PSMD14: variants seen among roughly 807,000 people sequenced by gnomAD.
The protein encoded by PSMD14 is ubiquitin C-terminal hydrolase PSMD14.
In PSMD14, 7 loss-of-function variants were observed where a neutral mutation model predicts 41.2. The ratio of observed to expected loss-of-function variants is 0.17; its 90% confidence interval spans 0.10 to 0.32. The LOEUF (loss-of-function observed/expected upper bound fraction) is 0.32, where lower values mean the gene tolerates loss of function less well. Ranked by LOEUF, PSMD14 falls within the 10% of genes least tolerant of loss-of-function variation. The pLI, the probability that PSMD14 is intolerant of heterozygous loss-of-function variation, is 1.00. For synonymous variants in PSMD14, 114 were observed against 122.3 expected (o/e 0.93, Z 0.45); for missense variants, 139 against 375.6 (o/e 0.37, Z 5.21).
intron 3 of PSMD14, among the ~76,000 whole-genome samples, chr2:161,325,144 G>T (rs1682674984): frequency 6.6e-6 from 1 of 152,112 alleles, no homozygotes. Context: ...GACATATGCA[G>T]CAGGGTATAT....
At chr2:161,321,825 C>T (rs1157230229) in intron 3 of PSMD14, among the ~76,000 whole-genome samples, 2 of 152,204 alleles carry the variant, frequency 1.3e-5, no homozygotes, top group African/African-American at 4.8e-5. Context: ...CCTGTGCCCT[C>T]TCTTCATGGA....
intron 3 of PSMD14, among the ~76,000 whole-genome samples, chr2:161,329,768 C>G (rs779168545): frequency 6.6e-6 from 1 of 152,122 alleles, no homozygotes. Flanking sequence ...TCATTCTATT[C>G]ATATACTCTG....
At chr2:161,391,297 T>C (rs1012260511) in intron 9 of PSMD14, 119 bp downstream of exon 9, 5 of 1,036,532 alleles carry the variant, frequency 4.8e-6, no homozygotes, top group Non-Finnish European at 6.5e-6. Context: ...CCAAATATTA[T>C]TCCATTATTG....
intron 10 of PSMD14, among the ~76,000 whole-genome samples, chr2:161,402,686 A>T (rs369312610): frequency 2.9e-3 from 123 of 42,290 alleles, no homozygotes; most frequent in African/African-American, 0.012. Flanking sequence ...AGTATACAAG[A>T]ATTAAAAACA....
intron 3 of PSMD14, among the ~76,000 whole-genome samples, chr2:161,353,921 A>G (rs1295138601): frequency 6.6e-6 from 1 of 152,226 alleles, no homozygotes; most frequent in Non-Finnish European, 1.5e-5. Flanking sequence ...TTAATGAATT[A>G]TGAATTATGG....
At chr2:161,372,266 T>A (rs1416102642) in intron 7 of PSMD14, among the ~76,000 whole-genome samples, 1 of 152,154 alleles carries the variant, frequency 6.6e-6, no homozygotes, top group Non-Finnish European at 1.5e-5. Context: ...ATCCTTTTTA[T>A]GCAGGTTTTA....
intron 3 of PSMD14, among the ~76,000 whole-genome samples, chr2:161,350,967 C>T (rs949714834): frequency 3.0e-4 from 46 of 152,160 alleles, no homozygotes; most frequent in African/African-American, 1.1e-3. Flanking sequence ...TTTCAGCCTT[C>T]CTATAATCCT....
intron 3 of PSMD14, among the ~76,000 whole-genome samples, chr2:161,338,848 C>A (rs1682906777): frequency 1.3e-5 from 2 of 152,140 alleles, no homozygotes; most frequent in Admixed American, 1.3e-4. Flanking sequence ...CACTGATTTG[C>A]TGTCACTATA....
chr2:161,348,978 G>A (rs987249859), intron 3 of PSMD14, among the ~76,000 whole-genome samples: 1 of 152,126 alleles, frequency 6.6e-6, no homozygotes, highest in African/African-American at 2.4e-5. Flanking sequence ...CCTCTCTGCT[G>A]CTCACATACC....
At chr2:161,389,214 A>G (rs1672619162) in intron 8 of PSMD14, among the ~76,000 whole-genome samples, 1 of 152,184 alleles carries the variant, frequency 6.6e-6, no homozygotes, top group South Asian at 2.1e-4. Flanking sequence ...TGTATTGGCT[A>G]CAGCAGTTAC....
At chr2:161,389,892 T>G (rs60327518) in intron 8 of PSMD14, among the ~76,000 whole-genome samples, 854 of 4,362 alleles carry the variant, frequency 0.2, 56 homozygotes, top group African/African-American at 0.33. Flanking sequence ...TTTTGTTGTT[T>G]TTTTTTTTTT....
chr2:161,343,499 T>C (rs1244294802), intron 3 of PSMD14, among the ~76,000 whole-genome samples: 1 of 152,244 alleles, frequency 6.6e-6, no homozygotes, highest in African/African-American at 2.4e-5. Context: ...TTTTGGCTAT[T>C]GTGAATATTG....
chr2:161,365,259 G>A (rs183958129), intron 3 of PSMD14, among the ~76,000 whole-genome samples: 290 of 152,312 alleles, frequency 1.9e-3, no homozygotes, highest in Non-Finnish European at 2.9e-3. Context: ...CTGACATGTG[G>A]CTTGCTTCCT....
rs574678957 is a variant in PSMD14, at chr2:161,337,454, C to T, written c.48+18581C>T. ...CAGTACCACGTGGTATGATTAGCAC[C>T]ATTCACAAGGGAAAATGGGTCATAG... On this transcript the variant is annotated intron_variant, in intron 3 of 11. Transcript: ENST00000409682. 3.0e-4 allele frequency among the ~76,000 whole-genome samples: 46 copies of T among 152,240 alleles called. No homozygotes were observed. The South Asian group carries it at 6.0e-3, about 20-fold the overall frequency.
chr2:161,313,174 C>T (rs1163969855), intron 1 of PSMD14, among the ~76,000 whole-genome samples: 3 of 152,084 alleles, frequency 2.0e-5, no homozygotes, highest in African/African-American at 4.8e-5. Flanking sequence ...GAATCTGGCA[C>T]TCTGACTGTA....
At chr2:161,408,994 C>A in intron 11 of PSMD14, 95 bp downstream of exon 11, 1 of 951,250 alleles carries the variant, frequency 1.1e-6, no homozygotes, top group Non-Finnish European at 1.6e-6. Flanking sequence ...TTTTCCTGTC[C>A]ACTCTATGTT....
chr2:161,388,073 A>C (rs1683656914), intron 8 of PSMD14, among the ~76,000 whole-genome samples: 1 of 152,086 alleles, frequency 6.6e-6, no homozygotes, highest in Non-Finnish European at 1.5e-5. Flanking sequence ...TTTTTAAACT[A>C]TTCCATTATA....
chr2:161,321,755 AT>A, intron 3 of PSMD14, among the ~76,000 whole-genome samples: 1 of 152,304 alleles, frequency 6.6e-6, no homozygotes, highest in African/African-American at 2.4e-5. Flanking sequence ...AGAAATACAG[AT>A]TAGGAGGACC....
intron 3 of PSMD14, among the ~76,000 whole-genome samples, chr2:161,333,859 C>T (rs1341588988): frequency 6.6e-6 from 1 of 151,376 alleles, no homozygotes; most frequent in African/African-American, 2.4e-5. Flanking sequence ...GGTGAAACCC[C>T]ATCTCTACTA....
Sources: allele counts gnomAD v4.1 joint callset (sites outside exome capture counted in the v4.1 genomes callset), GRCh38; gene constraint gnomAD v4.1.1; transcripts MANE v1.5; gene names NCBI Gene and HGNC (gene_info 2026-07-23, HGNC 2026-07-21).